The following SLC12A2 variants were observed in gnomAD, a reference collection of about 807,000 sequenced individuals.
SLC12A2 encodes solute carrier family 12 member 2.
In SLC12A2, 67 loss-of-function variants were observed where a neutral mutation model predicts 136.3. The observed-to-expected ratio is 0.49, with a 90% CI of 0.40 to 0.60. The LOEUF (loss-of-function observed/expected upper bound fraction) is 0.60. Ranked by LOEUF, SLC12A2 falls within the 20% of genes least tolerant of loss-of-function variation. The pLI, the probability that SLC12A2 is intolerant of heterozygous loss-of-function variation, is 0.00. For missense variants in SLC12A2, 1,322 were observed against 1,534.7 expected, an observed-to-expected ratio of 0.86 and a Z score of 2.32; for synonymous variants, 619 against 562.9, an observed-to-expected ratio of 1.10 and a Z score of -1.41.
intron 9 of SLC12A2, among the ~76,000 whole-genome samples, chr5:128,140,743 C>T (rs935396977): frequency 9.9e-5 from 15 of 151,838 alleles, no homozygotes; most frequent in African/African-American, 3.6e-4. Flanking sequence ...GAATACAAAG[C>T]ACATGAAAGT....
At chr5:128,130,744 G>A (rs554193653) in intron 4 of SLC12A2, among the ~76,000 whole-genome samples, 60 of 152,142 alleles carry the variant, frequency 3.9e-4, no homozygotes, top group African/African-American at 1.1e-3. Context: ...AAATTCATTG[G>A]GAAATGATCT....
At chr5:128,159,163 G>A (rs1327299152) in intron 16 of SLC12A2, among the ~76,000 whole-genome samples, 1 of 151,664 alleles carries the variant, frequency 6.6e-6, no homozygotes, top group Non-Finnish European at 1.5e-5. Context: ...GAGTGGTTTG[G>A]CTTTTTGATA....
In SLC12A2 at chr5:128,189,379, AAC is replaced by A. The variant is rs1763974344; in HGVS notation, c.*2750_*2751del. The A allele has an allele frequency of 6.6e-6, 1 of 152,232 alleles. No individual in the cohort carries two copies. Among genetic ancestry groups the A allele is most frequent in the South Asian group, 2.1e-4 (1 of 4,826 alleles). 9.4% of individuals were successfully genotyped at this position (152,232 alleles called of 1,614,324 possible). A position where few individuals can be genotyped will look rare whatever the true frequency, so the allele number is the denominator to read the frequency against. ...GAATGGTGGTGTTGAGCTGATTATTAACAGTTACTGAAATCAAATATTTATTT... is the reference window on the plus strand; with the variant it reads ...GAATGGTGGTGTTGAGCTGATTATTAAGTTACTGAAATCAAATATTTATTT... On this transcript the variant is annotated 3_prime_UTR_variant, in exon 27 of 27. Transcript: ENST00000262461.
intron 1 of SLC12A2, among the ~76,000 whole-genome samples, chr5:128,108,802 T>C (rs979732973): frequency 6.6e-6 from 1 of 152,214 alleles, no homozygotes; most frequent in Non-Finnish European, 1.5e-5. Context: ...TATCTCAATA[T>C]AGCTTAATAA....
Position 128,084,239 on chromosome 5 carries a change from TGCGGCGGCGGCGGCGGCGGCGGCAGCG to T in SLC12A2, c.294_320del (p.Ala99_Ala107del), listed in dbSNP as rs560532409. The T allele has an allele frequency of 2.3e-6, 3 of 1,279,492 alleles. No individual in the cohort carries two copies. The highest frequency in any genetic ancestry group is 3.1e-5 in the African/African-American group (2 of 63,932). 79.3% of individuals were successfully genotyped at this position (1,279,492 alleles called of 1,614,324 possible). ...CCGAGAACGCCGGGCGGGCCGCTGC[TGCGGCGGCGGCGGCGGCGGCGGCAGCG>T]GCGGCGGCTGGTGCTGGGGCGGGGG... is the stretch of plus-strand genomic sequence containing the variant. On this transcript the variant is annotated inframe_deletion, in exon 1 of 27. Transcript: ENST00000262461. The surrounding 1 kb of genome is among the most constrained non-coding windows in gnomAD (Gnocchi z 5.6).
intron 16 of SLC12A2, among the ~76,000 whole-genome samples, chr5:128,160,222 A>G (rs1762995700): frequency 6.6e-6 from 1 of 152,104 alleles, no homozygotes; most frequent in Non-Finnish European, 1.5e-5. Flanking sequence ...GGAACATCAC[A>G]AAGCAGGGCC....
chr5:128,178,617 G>C lies in SLC12A2; in HGVS notation c.3028G>C (p.Glu1010Gln), dbSNP rs756113034. 6.2e-7 allele frequency: 1 copy of C among 1,600,200 alleles called. No homozygotes were observed. The highest frequency in any genetic ancestry group is 2.3e-5 in the East Asian group (1 of 44,146). The change falls in exon 22 of 27, where the codon GAA becomes CAA. Residue 1010 changes from glutamate to glutamine, a missense_variant. By Grantham distance (29) the Glu-to-Gln change is conservative (BLOSUM62 2). Around this residue, in one of 8 missense-constraint regions of SLC12A2, gnomAD observed 226 missense variants for 210.4 expected, o/e 1.07. Coordinates refer to ENST00000262461, the MANE Select transcript of SLC12A2 (RefSeq NM_001046.3). ...AAATGTAGCTGACCAAAAGCTTCTT[G>C]AAGCTAGTACACAGTTTCAGAAAAA... ...PLNVADQKLL[E>Q]ASTQFQKKQG...
intron 1 of SLC12A2, among the ~76,000 whole-genome samples, chr5:128,097,821 T>C (rs1041904911): frequency 6.6e-6 from 1 of 152,134 alleles, no homozygotes; most frequent in Non-Finnish European, 1.5e-5. Context: ...ATTCATTCTT[T>C]TTTGTTTATC....
chr5:128,168,647 T>C (rs1162489105), intron 18 of SLC12A2: 2 of 152,266 alleles, frequency 1.3e-5, no homozygotes, highest in East Asian at 3.9e-4. Flanking sequence ...CAGTCCCGTC[T>C]GGGGGTGATG....
Position 128,084,509 on chromosome 5 carries a change from G to A in SLC12A2, c.555G>A (p.Leu185=). The part of the protein sequence containing the change: ...GDTVLSEGSS[L]HSGGGGGSGH... ...CGGTGCTGAGCGAGGGCAGCAGCCT[G>A]CACTCCGGCGGCGGCGGCGGCAGTG... The change falls in exon 1 of 27, where the codon CTG becomes CTA. Residue 185 remains leucine, a synonymous_variant. Coordinates refer to ENST00000262461, the MANE Select transcript of SLC12A2 (RefSeq NM_001046.3). The surrounding 1 kb of genome is among the most constrained non-coding windows in gnomAD (Gnocchi z 5.6). 1 of 1,611,234 alleles carries A rather than the reference G, an allele frequency of 6.2e-7. No individual in the cohort carries two copies. The highest frequency in any genetic ancestry group is 8.5e-7 in the Non-Finnish European group (1 of 1,179,292).
rs1200094651 is a variant in SLC12A2, at chr5:128,137,679, G to A, written c.1409-918G>A. 1.2e-4 allele frequency among the ~76,000 whole-genome samples: 19 copies of A among 152,180 alleles called. 1 individual carries two copies. The highest frequency in any genetic ancestry group is 1.2e-3 in the Admixed American group (18 of 15,284). On this transcript the variant is annotated intron_variant, in intron 7 of 26. Coordinates refer to ENST00000262461, the MANE Select transcript of SLC12A2 (RefSeq NM_001046.3). ...GACACATAGTAGCTGCTGAAGTATT[G>A]AATGGATAGATGGATACATTACAGT...
At chr5:128,113,589 C>G (rs1473207883) in intron 2 of SLC12A2, among the ~76,000 whole-genome samples, 1 of 152,056 alleles carries the variant, frequency 6.6e-6, no homozygotes, top group Non-Finnish European at 1.5e-5. Flanking sequence ...AATCACAGTT[C>G]TAGTATTAAT....
At chr5:128,119,486 C>T (rs577483917) in intron 4 of SLC12A2, among the ~76,000 whole-genome samples, 1 of 152,246 alleles carries the variant, frequency 6.6e-6, no homozygotes, top group African/African-American at 2.4e-5. Flanking sequence ...GGAATCCTTT[C>T]CCCATTGCTT....
At position 128,131,143 on chromosome 5, in the gene SLC12A2, C is replaced by G. The variant is rs2126697359; in HGVS notation, c.1125C>G (p.Ala375=). The change falls in exon 5 of 27, where the codon GCC becomes GCG. Residue 375 remains alanine (A), a synonymous_variant. Coordinates refer to ENST00000262461, the MANE Select transcript of SLC12A2 (RefSeq NM_001046.3). The part of the protein sequence containing the change: ...GGAIGLIFAF[A]NAVAVAMYVV... The stretch of plus-strand genomic sequence containing the variant: ...CAATTGGTCTAATCTTCGCCTTTGC[C>G]AACGCTGTTGCAGTTGCTATGTATG... 1.2e-6 allele frequency: 2 copies of G among 1,614,114 alleles called. No individual in the cohort carries two copies. Among genetic ancestry groups the G allele is most frequent in the Non-Finnish European group, 1.7e-6 (2 of 1,179,990 alleles).
chr5:128,114,473 G>A, intron 3 of SLC12A2, 113 bp from the exon 4 acceptor site: 1 of 834,920 alleles, frequency 1.2e-6, no homozygotes, highest in Non-Finnish European at 1.9e-6. Flanking sequence ...ATCAAAATTG[G>A]GTAATTTATA....
In SLC12A2 at chr5:128,174,483, CTTAT is replaced by C. The variant is rs1763480179; in HGVS notation, c.2804-54_2804-51del. 11 of 1,309,240 alleles carry C rather than the reference CTTAT, an allele frequency of 8.4e-6. No individual in the cohort carries two copies. In the South Asian group the frequency reaches 1.1e-4, roughly 13 times the overall value. The allele number at this position is 1,309,240 out of a possible 1,614,324, so 81.1% of individuals were successfully genotyped here. A position where few individuals can be genotyped will look rare whatever the true frequency, so the allele number is the denominator to read the frequency against. Reference sequence around the variant, plus strand: ...TAGTTTAATTACTAAACCATAATGCCTTATTTAACAGTTAAAATATGACTTAGAT... The same window carrying C: ...TAGTTTAATTACTAAACCATAATGCCTTAACAGTTAAAATATGACTTAGAT... On this transcript the variant is annotated intron_variant, in intron 19 of 26. Coordinates refer to ENST00000262461, the MANE Select transcript of SLC12A2 (RefSeq NM_001046.3).
At chr5:128,160,314 A>G (rs1762998396) in intron 16 of SLC12A2, among the ~76,000 whole-genome samples, 2 of 152,060 alleles carry the variant, frequency 1.3e-5, no homozygotes, top group Non-Finnish European at 2.9e-5. Flanking sequence ...GGTGCAGCAA[A>G]CCACCATGGC....
chr5:128,112,771 A>G, intron 1 of SLC12A2, 43 bp from the exon 2 acceptor site: 1 of 1,489,530 alleles, frequency 6.7e-7, no homozygotes, highest in Non-Finnish European at 9.2e-7. Context: ...GTGATTTTAA[A>G]TTTTAAATGT....
At chr5:128,132,068 A>G (rs1362556378) in intron 5 of SLC12A2, among the ~76,000 whole-genome samples, 2 of 152,196 alleles carry the variant, frequency 1.3e-5, no homozygotes, top group African/African-American at 2.4e-5. Flanking sequence ...GCAGCAAGAC[A>G]TTTAATACTA....
Sources: allele counts gnomAD v4.1 joint callset (sites outside exome capture counted in the v4.1 genomes callset), GRCh38; gene constraint gnomAD v4.1.1; regional missense constraint gnomAD v4.1.1; non-coding constraint Gnocchi (gnomAD v3.1); transcripts MANE v1.5; gene names NCBI Gene and HGNC (gene_info 2026-07-23, HGNC 2026-07-21).